MALRD1: variants seen among roughly 807,000 people sequenced by gnomAD.
MALRD1 encodes the protein MAM and LDL receptor class A domain containing 1.
In MALRD1, 247 loss-of-function variants were observed where a neutral mutation model predicts 242.1. That is an observed-to-expected ratio of 1.02 (90% CI 0.92 to 1.13). MALRD1 has a LOEUF of 1.13. Ranked by LOEUF, MALRD1 falls within the 50% of genes most tolerant of loss-of-function variation. The probability of loss-of-function intolerance (pLI) is 0.00; values close to 1 mark genes in which losing one functional copy is unlikely to be tolerated. For synonymous variants in MALRD1, 995 were observed against 866.6 expected (o/e 1.15, Z -2.60); for missense variants, 2,989 against 2,533.1 (o/e 1.18, Z -3.86).
Position 19,649,931 on chromosome 10 carries a change from A to G in MALRD1, c.6137+34008A>G, listed in dbSNP as rs544863916. 1.4e-4 allele frequency among the ~76,000 whole-genome samples: 21 copies of G among 152,248 alleles called. No individual in the cohort carries two copies. The South Asian group carries it at 3.5e-3, about 26-fold the overall frequency. On this transcript the variant is annotated intron_variant, in intron 36 of 39. Coordinates refer to ENST00000454679, the MANE Select transcript of MALRD1 (RefSeq NM_001142308.3). ...GGTGTGAGGAAGGTTTCCAGCTTCA[A>G]TCTTCTGCATATGACTAGCCAGTTA...
rs1214091745 is a variant in MALRD1 at position 19,324,011 on chromosome 10, C to T, written c.3482C>T (p.Ala1161Val). ...DSSNGKFGDT[A>V]DILTPIISLT... is the part of the protein sequence containing the mutation. ...TCTAATGGGAAATTTGGTGACACGG[C>T]TGACATTCTCACTCCTATCATTTCA... Residue 1161 changes from alanine to valine, a missense_variant, in exon 22 of 40, where the codon GCT (alanine) becomes GTT (valine). Transcript: ENST00000454679. 6 of 1,550,796 alleles carry T rather than the reference C, an allele frequency of 3.9e-6. No homozygotes were observed. The highest frequency in any genetic ancestry group is 5.2e-6 in the Non-Finnish European group (6 of 1,146,902).
chr10:19,560,731 A>G (rs564659297), intron 32 of MALRD1, among the ~76,000 whole-genome samples: 1 of 152,240 alleles, frequency 6.6e-6, no homozygotes, highest in Middle Eastern at 3.4e-3. Context: ...CAAACAGCAC[A>G]TGTTCTCACT....
chr10:19,188,562 G>A (rs1554807207), intron 14 of MALRD1, among the ~76,000 whole-genome samples: 1 of 152,130 alleles, frequency 6.6e-6, no homozygotes, highest in South Asian at 2.1e-4. Context: ...TTTTTTGTCT[G>A]TGTTCAGAAA....
intron 31 of MALRD1, 31 bp from the exon 32 acceptor site, chr10:19,531,156 TCATTACA>T: frequency 6.6e-7 from 1 of 1,514,604 alleles, no homozygotes; most frequent in Non-Finnish European, 8.9e-7. Context: ...TGCGATATTA[TCATTACA>T]CTGAAAAAAA....
At position 19,216,870 on chromosome 10, in the gene MALRD1, C is replaced by A. The variant is rs903994469; in HGVS notation, c.2991+7190C>A. Among the ~76,000 whole-genome samples, 6 of 151,104 alleles carry A rather than the reference C, an allele frequency of 4.0e-5. No homozygotes were observed. The Admixed American group carries it at 4.0e-4, about 10-fold the overall frequency. On this transcript the variant is annotated intron_variant, in intron 18 of 39. Transcript: ENST00000454679. ...CTGAGGCAGGAGAATAGTGTGAACCCGGGAGGCAGAGCTTGCAGTGAGCCA... is the reference window on the plus strand; with the variant it reads ...CTGAGGCAGGAGAATAGTGTGAACCAGGGAGGCAGAGCTTGCAGTGAGCCA...
intron 21 of MALRD1, among the ~76,000 whole-genome samples, chr10:19,286,138 T>C (rs1165917776): frequency 2.2e-5 from 3 of 139,324 alleles, no homozygotes; most frequent in Admixed American, 1.5e-4. Flanking sequence ...GCTTATCAGC[T>C]TAAGGAGATT....
intron 26 of MALRD1, among the ~76,000 whole-genome samples, chr10:19,369,683 TACAC>T (rs1369231751): frequency 2.2e-4 from 33 of 150,412 alleles, no homozygotes; most frequent in Middle Eastern, 3.6e-3. Context: ...AGTACACAAA[TACAC>T]ACATATATTT....
At chr10:19,121,402 C>A (rs1837059846) in intron 5 of MALRD1, among the ~76,000 whole-genome samples, 1 of 151,970 alleles carries the variant, frequency 6.6e-6, no homozygotes, top group Non-Finnish European at 1.5e-5. Context: ...TGAAGTTTAT[C>A]TCAATTAAAA....
chr10:19,255,737 C>T (rs1401836976), intron 18 of MALRD1, among the ~76,000 whole-genome samples: 1 of 151,932 alleles, frequency 6.6e-6, no homozygotes, highest in Non-Finnish European at 1.5e-5. Flanking sequence ...TTAGAGCAAA[C>T]CCAACTGTCT....
chr10:19,344,223 T>C (rs1163159720), intron 24 of MALRD1, among the ~76,000 whole-genome samples: 2 of 152,124 alleles, frequency 1.3e-5, no homozygotes, highest in African/African-American at 4.8e-5. Context: ...CATCTAAGAA[T>C]ACTTCACCAA....
intron 11 of MALRD1, 48 bp from the exon 12 acceptor site, chr10:19,155,027 G>A: frequency 9.7e-7 from 1 of 1,033,646 alleles, no homozygotes; most frequent in East Asian, 3.3e-5. Flanking sequence ...GAACAGCTAA[G>A]TGTGTAAGAG....
intron 38 of MALRD1, among the ~76,000 whole-genome samples, chr10:19,709,234 C>T (rs1317857700): frequency 3.0e-5 from 4 of 132,702 alleles, no homozygotes; most frequent in African/African-American, 9.1e-5. Flanking sequence ...GGTGAAACCC[C>T]GTCTGTACTA....
At chr10:19,277,415 C>T (rs1840585642) in intron 19 of MALRD1, among the ~76,000 whole-genome samples, 1 of 152,122 alleles carries the variant, frequency 6.6e-6, no homozygotes, top group Non-Finnish European at 1.5e-5. Flanking sequence ...CCTAATATTC[C>T]TGGTCTCTCT....
intron 5 of MALRD1, among the ~76,000 whole-genome samples, chr10:19,118,442 G>A (rs1399702828): frequency 6.6e-6 from 1 of 152,142 alleles, no homozygotes; most frequent in African/African-American, 2.4e-5. Flanking sequence ...GGAAGAGGGG[G>A]CTTCCAGGTC....
intron 18 of MALRD1, among the ~76,000 whole-genome samples, chr10:19,239,766 CT>C (rs1274055192): frequency 1.3e-5 from 2 of 151,468 alleles, no homozygotes; most frequent in African/African-American, 4.8e-5. Context: ...GTCTTTACCC[CT>C]GTGTGTGCTC....
At chr10:19,618,447 C>A (rs1426402870) in intron 36 of MALRD1, among the ~76,000 whole-genome samples, 2 of 152,024 alleles carry the variant, frequency 1.3e-5, no homozygotes, top group African/African-American at 4.8e-5. Context: ...ACACTTTCAC[C>A]AACAGTATAT....
rs184924990 is a variant in MALRD1, at chr10:19,277,910, A to T, written c.3080-2137A>T. ...CTGTTTTGGTTTATTAGTTGACTGG[A>T]TTAAAGAAAGAGGTTAACTATTCTA... On this transcript the variant is annotated intron_variant, in intron 19 of 39. Coordinates refer to ENST00000454679, the MANE Select transcript of MALRD1 (RefSeq NM_001142308.3). Among the ~76,000 whole-genome samples the T allele has an allele frequency of 3.2e-4, 48 of 152,300 alleles. No homozygotes were observed. In the East Asian group the frequency reaches 8.3e-3, roughly 26 times the overall value.
At chr10:19,259,775 C>T (rs1839667200) in intron 19 of MALRD1, among the ~76,000 whole-genome samples, 1 of 152,148 alleles carries the variant, frequency 6.6e-6, no homozygotes, top group Non-Finnish European at 1.5e-5. Context: ...CCCTTACTTC[C>T]TTCTGGTCTC....
intron 21 of MALRD1, among the ~76,000 whole-genome samples, chr10:19,293,091 G>C (rs79354623): frequency 2.3e-4 from 35 of 152,044 alleles, no homozygotes; most frequent in Middle Eastern, 6.8e-3. Context: ...TGCCTTCTCT[G>C]GTAAGAAGAT....
Sources: gnomAD v4.1 joint callset for allele counts (sites outside exome capture counted in the v4.1 genomes callset) on GRCh38, gnomAD v4.1.1 for gene constraint, MANE v1.5 for transcripts, NCBI Gene and HGNC (gene_info 2026-07-23, HGNC 2026-07-21) for gene names.